The following SECISBP2 variants were observed in gnomAD, a reference collection of about 807,000 sequenced individuals.
The protein encoded by SECISBP2 is SECIS binding protein 2.
A neutral mutation model predicts 98.2 loss-of-function variants in SECISBP2; 96 were observed. The ratio of observed to expected loss-of-function variants is 0.98; its 90% CI spans 0.83 to 1.16. The LOEUF (loss-of-function observed/expected upper bound fraction) is 1.16, where lower values mean the gene tolerates loss of function less well. SECISBP2 is among the 50% of genes most tolerant of loss of function. SECISBP2 has a pLI of 0.00. For missense variants in SECISBP2, 1,046 were observed against 1,022.9 expected (o/e 1.02, Z -0.31); for synonymous variants, 407 against 370.2 (o/e 1.10, Z -1.14).
downstream of SECISBP2, chr9:89,363,318 G>A (rs1430500221): frequency 4.7e-6 from 7 of 1,475,180 alleles, no homozygotes; most frequent in African/African-American, 2.8e-5. Flanking sequence ...GGGGCTAAGA[G>A]GGAACAAGTG....
chr9:89,330,441 A>T (rs1827559966), intron 5 of SECISBP2: 1 of 152,256 alleles, frequency 6.6e-6, no homozygotes, highest in Non-Finnish European at 1.5e-5. Flanking sequence ...AAGAAGAAAG[A>T]TAAAGAAAAC....
intron 10 of SECISBP2, among the ~76,000 whole-genome samples, chr9:89,343,293 A>G (rs1829927540): frequency 6.6e-6 from 1 of 152,206 alleles, no homozygotes; most frequent in South Asian, 2.1e-4. Context: ...TTCCTTTTGA[A>G]GTAGTTTATT....
chr9:89,362,398 G>A (rs1346010040), downstream of SECISBP2: 1 of 1,614,072 alleles, frequency 6.2e-7, no homozygotes, highest in Non-Finnish European at 8.5e-7. Flanking sequence ...CTCCTTCCTG[G>A]TGGCTACAGG....
chr9:89,349,122 A>G (rs769707876), intron 12 of SECISBP2, among the ~76,000 whole-genome samples: 1 of 152,118 alleles, frequency 6.6e-6, no homozygotes, highest in African/African-American at 2.4e-5. Flanking sequence ...CCCCATCTCT[A>G]CCAGCCCACG....
intron 16 of SECISBP2, among the ~76,000 whole-genome samples, 161 bp downstream of exon 16, chr9:89,358,352 G>A (rs1351104709): frequency 6.6e-6 from 1 of 152,244 alleles, no homozygotes. Context: ...TCAGACTTTT[G>A]AAGTGGGAAG....
At chr9:89,337,239 T>A (rs1226063111) in intron 7 of SECISBP2, among the ~76,000 whole-genome samples, 1 of 152,246 alleles carries the variant, frequency 6.6e-6, no homozygotes, top group East Asian at 1.9e-4. Flanking sequence ...TTTAGAAAAA[T>A]TCTAAAAGAT....
chr9:89,351,508 C>T (rs916177365), intron 14 of SECISBP2, among the ~76,000 whole-genome samples: 4 of 152,086 alleles, frequency 2.6e-5, no homozygotes, highest in Non-Finnish European at 4.4e-5. Context: ...CTCATGGACA[C>T]CTGTCCTTCA....
chr9:89,366,439 G>C, the SECISBP2 span, among the ~76,000 whole-genome samples: 1 of 152,176 alleles, frequency 6.6e-6, no homozygotes, highest in Non-Finnish European at 1.5e-5. Context: ...CTCCAAAACT[G>C]TTTTGCCTGG....
chr9:89,332,760 T>A, intron 5 of SECISBP2, 148 bp from the exon 6 acceptor site: 1 of 688,926 alleles, frequency 1.5e-6, no homozygotes, highest in East Asian at 2.7e-5. Context: ...CTATTAAATA[T>A]CTCCCAAAGT....
chr9:89,351,425 C>G (rs955206526), intron 14 of SECISBP2, among the ~76,000 whole-genome samples: 1 of 152,158 alleles, frequency 6.6e-6, no homozygotes, highest in Admixed American at 6.5e-5. Flanking sequence ...GCTGTCTTGG[C>G]TCCTGGAGGA....
downstream of SECISBP2, chr9:89,363,809 TACTC>T (rs1310669801): frequency 2.5e-6 from 4 of 1,613,964 alleles, no homozygotes; most frequent in African/African-American, 5.3e-5. Context: ...AGAGCAGCGA[TACTC>T]AGCGCTTTCC....
downstream of SECISBP2, chr9:89,363,310 G>T (rs1454715357): frequency 9.1e-6 from 13 of 1,435,366 alleles, no homozygotes; most frequent in Admixed American, 2.5e-4. Context: ...ACTGCTCCGG[G>T]GCTAAGAGGG....
At chr9:89,319,824 T>C (rs1158519627) in intron 2 of SECISBP2, 27 bp downstream of exon 2, 1 of 1,611,546 alleles carries the variant, frequency 6.2e-7, no homozygotes, top group Non-Finnish European at 8.5e-7. Context: ...AAGTCTTACC[T>C]AGGGGCTTAC....
rs1025257788 is a variant in SECISBP2 at position 89,325,330 on chromosome 9, A to T, written c.183-97A>T. ...TTCCAGTGCTAGAGTGAATGGTCTCAGAAATATTAAATGTTCAGTTTGAAT... is the reference window on the plus strand; with the variant it reads ...TTCCAGTGCTAGAGTGAATGGTCTCTGAAATATTAAATGTTCAGTTTGAAT... On this transcript the variant is annotated intron_variant, in intron 2 of 16. Transcript: ENST00000375807. The T allele has an allele frequency of 3.4e-6, 4 of 1,180,044 alleles. No individual in the cohort carries two copies. In the East Asian group the frequency reaches 7.1e-5, roughly 21 times the overall value. The allele number at this position is 1,180,044 out of a possible 1,614,324, so 73.1% of individuals were successfully genotyped here.
At chr9:89,363,216 G>A (rs1051707117), downstream of SECISBP2, among the ~76,000 whole-genome samples, 3 of 152,198 alleles carry the variant, frequency 2.0e-5, no homozygotes, top group Non-Finnish European at 2.9e-5. Context: ...TTAAGGGCTG[G>A]GGCCAGATGC....
At chr9:89,327,653 G>A (rs956461317) in intron 4 of SECISBP2, among the ~76,000 whole-genome samples, 9 of 152,090 alleles carry the variant, frequency 5.9e-5, no homozygotes, top group African/African-American at 2.2e-4. Context: ...CTGTATCACT[G>A]TCTTCCACCT....
chr9:89,363,460 G>T, downstream of SECISBP2: 1 of 1,613,890 alleles, frequency 6.2e-7, no homozygotes, highest in Non-Finnish European at 8.5e-7. Context: ...GCATCATCCG[G>T]TCGTGCTCCC....
intron 1 of SECISBP2, 162 bp downstream of exon 1, chr9:89,318,774 C>T: frequency 8.0e-7 from 1 of 1,252,140 alleles, no homozygotes; most frequent in Non-Finnish European, 1.0e-6. Flanking sequence ...CGCGCCCCGC[C>T]TCGGGTCCGC....
In SECISBP2 at chr9:89,339,900, G is replaced by A; in HGVS notation, c.1249G>A (p.Glu417Lys). 6.2e-7 allele frequency: 1 copy of A among 1,613,860 alleles called. No individual in the cohort carries two copies. The highest frequency in any genetic ancestry group is 8.5e-7 in the Non-Finnish European group (1 of 1,179,828). The change falls in exon 9 of 17, where the codon GAA (glutamate) becomes AAA (lysine). Residue 417 changes from glutamate to lysine, a missense_variant. Transcript: ENST00000375807. ...ATTTCCCAACCTGGCAGTTGCATCTGAAAGAAGAGACAGAATAGAGACACC... is the reference window on the plus strand; with the variant it reads ...ATTTCCCAACCTGGCAGTTGCATCTAAAAGAAGAGACAGAATAGAGACACC... ...EEFPNLAVAS[E>K]RRDRIETPKF...
Sources: gnomAD v4.1 joint callset for allele counts (sites outside exome capture counted in the v4.1 genomes callset) on GRCh38, gnomAD v4.1.1 for gene constraint, MANE v1.5 for transcripts, NCBI Gene and HGNC (gene_info 2026-07-23, HGNC 2026-07-21) for gene names.